Variants in CGN observed in about 807,000 individuals in gnomAD.
CGN encodes the protein cingulin.
CGN carries 121 observed loss-of-function variants against 157.1 expected under a neutral mutation model. The ratio of observed to expected loss-of-function variants is 0.77; its 90% confidence interval spans 0.66 to 0.90. CGN has a LOEUF of 0.90. Among genes scored for constraint, CGN ranks in the 40% least tolerant of loss-of-function variants. The probability of loss-of-function intolerance (pLI) is 0.00; values close to 1 mark genes in which losing one functional copy is unlikely to be tolerated. For missense variants in CGN, 1,424 were observed against 1,520.9 expected (o/e 0.94, Z 1.06); for synonymous variants, 535 against 607.5 (o/e 0.88, Z 1.76).
chr1:151,526,851 C>G, intron 9 of CGN, 124 bp from the exon 10 acceptor site: 1 of 1,038,712 alleles, frequency 9.6e-7, no homozygotes, highest in Admixed American at 2.3e-5. Context: ...CTTCCTTCCT[C>G]TTGAGAGTTG....
At position 151,525,734 on chromosome 1, in the gene CGN, G is replaced by A. The variant is rs747626936; in HGVS notation, c.1707G>A (p.Gly569=). The A allele has an allele frequency of 9.9e-6, 16 of 1,611,654 alleles. No individual in the cohort carries two copies. The highest frequency in any genetic ancestry group is 1.4e-5 in the Non-Finnish European group (16 of 1,178,756). The change falls in exon 9 of 21, where the codon GGG becomes GGA. Residue 569 remains glycine, a synonymous_variant. Coordinates refer to ENST00000271636, the MANE Select transcript of CGN (RefSeq NM_020770.3). ...RELEETSEET[G]HWQSMFQKNK... ...TGGAGGAGACTTCAGAGGAGACAGG[G>A]CATTGGCAGAGTATGTTCCAGAAGA...
Position 151,518,813 on chromosome 1 carries a change from G to C in CGN, c.294G>C (p.Leu98Phe). The change falls in exon 2 of 21, where the codon TTG becomes TTC. Residue 98 changes from leucine (L) to phenylalanine (F), a missense_variant. Transcript: ENST00000271636. ...QGASGALSSD[L>F]ELPENPYSQV... ...CCTCAGGAGCTCTGAGCTCAGATTT[G>C]GAACTCCCTGAGAACCCCTACTCTC... 1.9e-6 allele frequency: 3 copies of C among 1,614,014 alleles called. No homozygotes were observed. Among genetic ancestry groups the C allele is most frequent in the Non-Finnish European group, 2.5e-6 (3 of 1,179,944 alleles).
intron 13 of CGN, among the ~76,000 whole-genome samples, chr1:151,531,878 CAATGAAAAATGCACATCTTATCATT>C (rs1664844183): frequency 6.6e-6 from 1 of 151,966 alleles, no homozygotes; most frequent in African/African-American, 2.4e-5. Context: ...TATCATTTGT[CAATGAAAAATGCACATCTTATCATT>C]TGTCAATGAA....
Position 151,529,940 on chromosome 1 carries a change from T to A in CGN, c.2138T>A (p.Val713Glu). 6.2e-7 allele frequency: 1 copy of A among 1,614,064 alleles called. No homozygotes were observed. The highest frequency in any genetic ancestry group is 2.2e-5 in the East Asian group (1 of 44,878). Residue 713 changes from valine (V) to glutamate (E), a missense_variant, in exon 12 of 21, where the codon GTG (valine) becomes GAG (glutamate). This residue lies in a region of CGN where 1,187 missense variants were observed against 1,217.6 expected (regional missense o/e 0.97). Coordinates refer to ENST00000271636, the MANE Select transcript of CGN (RefSeq NM_020770.3). ...AKMVAEAEAT[V>E]LGQRRAAVET... ...ATGGTGGCCGAGGCAGAGGCAACAGTGCTGGGGCAGCGGCGGGCCGCAGTG... is the reference window on the plus strand; with the variant it reads ...ATGGTGGCCGAGGCAGAGGCAACAGAGCTGGGGCAGCGGCGGGCCGCAGTG...
chr1:151,532,821 G>A (rs1046898668), intron 14 of CGN, among the ~76,000 whole-genome samples: 7 of 151,910 alleles, frequency 4.6e-5, no homozygotes, highest in Admixed American at 1.3e-4. Flanking sequence ...GGGTTTCACC[G>A]TGTTAGCCAG....
At position 151,531,835 on chromosome 1, in the gene CGN, A is replaced by G. The variant is rs146224642; in HGVS notation, c.2572-567A>G. On this transcript the variant is annotated intron_variant, in intron 13 of 20. Transcript: ENST00000271636. ...TATCATTTGTCAATGAAAAATGCAC[A>G]TCTTATCATTTGTCAATGAAAAATG... Among the ~76,000 whole-genome samples, 539 of 150,374 alleles carry G rather than the reference A, an allele frequency of 3.6e-3. 3 individuals are homozygous for G. Among genetic ancestry groups the G allele is most frequent in the African/African-American group, 0.012 (505 of 41,186 alleles).
At chr1:151,527,846 A>G in intron 10 of CGN, 1 of 248,218 alleles carries the variant, frequency 4.0e-6, no homozygotes, top group Non-Finnish European at 7.8e-6. Context: ...CACGAAAGAC[A>G]AGTGGCAGCT....
chr1:151,532,280 A>T, intron 13 of CGN, 122 bp from the exon 14 acceptor site: 1 of 663,092 alleles, frequency 1.5e-6, no homozygotes, highest in Non-Finnish European at 2.4e-6. Context: ...ACCTAGGCCC[A>T]GGAAAGAGCA....
chr1:151,521,377 C>T (rs929346286), intron 5 of CGN, among the ~76,000 whole-genome samples: 1 of 152,222 alleles, frequency 6.6e-6, no homozygotes, highest in Non-Finnish European at 1.5e-5. Context: ...TGGAGCCAAA[C>T]TAACTGGGTT....
chr1:151,534,978 TG>T, intron 15 of CGN, 63 bp from the exon 16 acceptor site: 2 of 1,158,460 alleles, frequency 1.7e-6, no homozygotes, highest in Non-Finnish European at 2.6e-6. Flanking sequence ...GAGAGGCTCC[TG>T]GTCTGAGTTT....
intron 1 of CGN, among the ~76,000 whole-genome samples, chr1:151,517,945 C>G (rs1664448765): frequency 6.6e-6 from 1 of 151,824 alleles, no homozygotes; most frequent in African/African-American, 2.4e-5. Context: ...CTCTCAAGCT[C>G]AAGTGATCCT....
In CGN at chr1:151,524,522, G is replaced by A. The variant is rs1344112910; in HGVS notation, c.1402-152G>A. ...AATGGTGTGTTGGGACTAGAGTTAG[G>A]ATAAAGGAAACCTATCATTCTGGGC... On this transcript the variant is annotated intron_variant, in intron 7 of 20. Transcript: ENST00000271636. This position sits in a 1 kb window ranked among gnomAD's most constrained non-coding sequence, Gnocchi z 4.4. The A allele has an allele frequency of 4.1e-6, 5 of 1,210,200 alleles. No individual in the cohort carries two copies. Among genetic ancestry groups the A allele is most frequent in the Non-Finnish European group, 5.8e-6 (5 of 860,002 alleles). 75.0% of individuals were successfully genotyped at this position (1,210,200 alleles called of 1,614,324 possible). A position where few individuals can be genotyped will look rare whatever the true frequency, so the allele number is the denominator to read the frequency against.
intron 1 of CGN, among the ~76,000 whole-genome samples, chr1:151,516,218 C>T (rs975975447): frequency 1.3e-5 from 2 of 152,190 alleles, no homozygotes; most frequent in African/African-American, 4.8e-5. Flanking sequence ...AGGGGCCTTG[C>T]CAAGTTTCCT....
intron 16 of CGN, 34 bp from the exon 17 acceptor site, chr1:151,535,566 C>T (rs1284865972): frequency 2.6e-6 from 4 of 1,555,880 alleles, no homozygotes; most frequent in Middle Eastern, 2.1e-4. Flanking sequence ...CCTTAGCCCT[C>T]CCCAAGTCTG....
chr1:151,532,921 G>T (rs933260294), intron 14 of CGN, among the ~76,000 whole-genome samples: 2 of 152,078 alleles, frequency 1.3e-5, no homozygotes, highest in Non-Finnish European at 2.9e-5. Flanking sequence ...GCCCAGCCCG[G>T]TCCTTGCCTC....
chr1:151,520,144 T>C, intron 2 of CGN, 22 bp from the exon 3 acceptor site: 3 of 1,551,058 alleles, frequency 1.9e-6, no homozygotes, highest in Non-Finnish European at 2.6e-6. Flanking sequence ...CTTTTTTTTT[T>C]CTTTTTCTTT....
In CGN at chr1:151,535,900, T is replaced by C; in HGVS notation, c.3197+2T>C. On this transcript the variant is annotated splice_donor_variant, in intron 18 of 20. Coordinates refer to ENST00000271636, the MANE Select transcript of CGN (RefSeq NM_020770.3). LOFTEE classifies it high-confidence loss of function. ...GGAGCGGCTACAGGCTGAAGAGAGG[T>C]GACATAAGCCTATCCTTCCTCCCTT... is the stretch of plus-strand genomic sequence containing the variant. The C allele has an allele frequency of 1.2e-6, 2 of 1,606,264 alleles. No homozygotes were observed. Among genetic ancestry groups the C allele is most frequent in the Non-Finnish European group, 1.7e-6 (2 of 1,173,924 alleles).
intron 6 of CGN, 102 bp downstream of exon 6, chr1:151,523,663 T>A: frequency 2.5e-6 from 3 of 1,190,852 alleles, no homozygotes; most frequent in Non-Finnish European, 3.4e-6. Context: ...CAGAAGGAAA[T>A]CTCCAGAAGC....
At chr1:151,536,177 C>A (rs1049191955) in intron 18 of CGN, 60 bp from the exon 19 acceptor site, 1 of 1,095,278 alleles carries the variant, frequency 9.1e-7, no homozygotes, top group Admixed American at 1.7e-5. Context: ...CAGTAGGGGG[C>A]CAAGTTAGGA....
Sources: gnomAD v4.1 joint callset for allele counts (sites outside exome capture counted in the v4.1 genomes callset) on GRCh38, gnomAD v4.1.1 for gene constraint, gnomAD v4.1.1 regional missense constraint, Gnocchi (gnomAD v3.1) non-coding constraint, MANE v1.5 for transcripts, NCBI Gene and HGNC (gene_info 2026-07-23, HGNC 2026-07-21) for gene names.